PLXNA4: variants seen among roughly 807,000 people sequenced by gnomAD.
PLXNA4 encodes the protein plexin A4.
PLXNA4 carries 44 observed loss-of-function variants against 191.8 expected under a neutral mutation model. The ratio of observed to expected loss-of-function variants is 0.23; its 90% CI spans 0.18 to 0.29. The LOEUF is 0.29. PLXNA4 is among the 10% of genes least tolerant of loss of function. The probability of loss-of-function intolerance (pLI) is 1.00; values close to 1 mark genes in which losing one functional copy is unlikely to be tolerated. For missense variants in PLXNA4, 1,800 were observed against 2,488.8 expected (o/e 0.72, Z 5.89); for synonymous variants, 1,082 against 1,009.5 (o/e 1.07, Z -1.36).
chr7:132,635,164 T>C, intron 2 of PLXNA4, among the ~76,000 whole-genome samples: 1 of 86,338 alleles, frequency 1.2e-5, no homozygotes, highest in South Asian at 5.1e-4. Context: ...CTTAATAAAC[T>C]CCCCTTTATA....
At chr7:132,360,030 A>G (rs796854582) in intron 3 of PLXNA4, among the ~76,000 whole-genome samples, 1 of 152,216 alleles carries the variant, frequency 6.6e-6, no homozygotes, top group South Asian at 2.1e-4. Flanking sequence ...CTCATTTGCC[A>G]TGGAGTTCAG....
rs546122391 is a variant in PLXNA4, at chr7:132,196,985, A to ACCATACT, written c.2738+1493_2738+1499dup. 1.6e-3 allele frequency among the ~76,000 whole-genome samples: 243 copies of ACCATACT among 152,272 alleles called. 10 individuals are homozygous for ACCATACT. The South Asian group carries it at 0.044, about 28-fold the overall frequency. On this transcript the variant is annotated intron_variant, in intron 13 of 31. Coordinates refer to ENST00000321063, the MANE Select transcript of PLXNA4 (RefSeq NM_020911.2). ...TATTTATTAACTGTAATAGGGTATA[A>ACCATACT]CCATACTCCCAGTTTATCATTCACA...
intron 2 of PLXNA4, among the ~76,000 whole-genome samples, chr7:132,623,783 A>C (rs1202168577): frequency 6.6e-6 from 1 of 152,144 alleles, no homozygotes; most frequent in Non-Finnish European, 1.5e-5. Flanking sequence ...GCAGGAAGCA[A>C]CCCCCAGGTT....
At chr7:132,185,909 G>A (rs1562906694) in intron 15 of PLXNA4, among the ~76,000 whole-genome samples, 1 of 152,312 alleles carries the variant, frequency 6.6e-6, no homozygotes, top group East Asian at 1.9e-4. Flanking sequence ...TGCTGTCTTT[G>A]TAGTATTTGG....
intron 3 of PLXNA4, among the ~76,000 whole-genome samples, chr7:132,463,780 G>A (rs1245471619): frequency 6.6e-6 from 1 of 152,214 alleles, no homozygotes; most frequent in African/African-American, 2.4e-5. Context: ...GATGCTGCAA[G>A]CCACCCCTCA....
intron 3 of PLXNA4, among the ~76,000 whole-genome samples, chr7:132,417,620 T>C (rs932016898): frequency 3.4e-5 from 5 of 145,582 alleles, no homozygotes; most frequent in Admixed American, 1.4e-4. Flanking sequence ...AATAGATTAA[T>C]GAATGAATGT....
chr7:132,607,438 C>A (rs1802948114), intron 2 of PLXNA4, among the ~76,000 whole-genome samples: 1 of 152,204 alleles, frequency 6.6e-6, no homozygotes, highest in Non-Finnish European at 1.5e-5. Context: ...AAAAGAGCAG[C>A]TGCAAATCCA....
chr7:132,237,210 T>C (rs1471683824), intron 5 of PLXNA4, among the ~76,000 whole-genome samples: 1 of 152,200 alleles, frequency 6.6e-6, no homozygotes, highest in Non-Finnish European at 1.5e-5. Flanking sequence ...ACTCTACTTA[T>C]CCAGGACCGG....
intron 26 of PLXNA4, 36 bp from the exon 27 acceptor site, chr7:132,148,035 C>T (rs1191714225): frequency 6.2e-7 from 1 of 1,613,756 alleles, no homozygotes; most frequent in African/African-American, 1.3e-5. Flanking sequence ...CTAGGCACAG[C>T]AGCTCTGCCA....
intron 2 of PLXNA4, among the ~76,000 whole-genome samples, chr7:132,495,220 G>C (rs1411472528): frequency 6.6e-6 from 1 of 152,112 alleles, no homozygotes; most frequent in Non-Finnish European, 1.5e-5. Flanking sequence ...GCCCTGGCTT[G>C]CCCCACCTTT....
chr7:132,237,465 T>A (rs1337377827), intron 5 of PLXNA4, among the ~76,000 whole-genome samples: 1 of 152,166 alleles, frequency 6.6e-6, no homozygotes, highest in Non-Finnish European at 1.5e-5. Context: ...CAGGGGGCTC[T>A]CCTTGGTCAT....
chr7:132,509,627 T>C (rs960541047), intron 1 of PLXNA4, among the ~76,000 whole-genome samples: 1 of 152,174 alleles, frequency 6.6e-6, no homozygotes, highest in Non-Finnish European at 1.5e-5. Context: ...TGCTAAACCA[T>C]CTCAGTTCAC....
At chr7:132,140,879 G>T (rs975416327) in intron 29 of PLXNA4, 68 bp from the exon 30 acceptor site, 1 of 1,578,278 alleles carries the variant, frequency 6.3e-7, no homozygotes, top group Non-Finnish European at 8.6e-7. Context: ...GGGTAGGAGG[G>T]GTCTCTGGAG....
intron 2 of PLXNA4, among the ~76,000 whole-genome samples, chr7:132,618,983 A>C (rs933891810): frequency 3.3e-5 from 5 of 152,126 alleles, no homozygotes; most frequent in Admixed American, 2.6e-4. Flanking sequence ...GAGGACAGAA[A>C]TTATTTGGAA....
intron 29 of PLXNA4, 67 bp from the exon 30 acceptor site, chr7:132,140,878 G>C: frequency 1.9e-6 from 3 of 1,580,580 alleles, no homozygotes; most frequent in Non-Finnish European, 2.6e-6. Flanking sequence ...TGGGTAGGAG[G>C]GGTCTCTGGA....
chr7:132,482,726 T>C (rs1233619346), intron 3 of PLXNA4, among the ~76,000 whole-genome samples: 1 of 145,758 alleles, frequency 6.9e-6, no homozygotes. Flanking sequence ...GGAGTCTCAC[T>C]CTATTGCCCA....
intron 4 of PLXNA4, among the ~76,000 whole-genome samples, chr7:132,284,309 T>C (rs1350503147): frequency 6.6e-6 from 1 of 152,256 alleles, no homozygotes; most frequent in African/African-American, 2.4e-5. Flanking sequence ...TGGGAAATAC[T>C]GGACTAACTA....
chr7:132,608,473 G>T (rs1297013288), intron 2 of PLXNA4, among the ~76,000 whole-genome samples: 1 of 152,186 alleles, frequency 6.6e-6, no homozygotes, highest in Non-Finnish European at 1.5e-5. Context: ...CAATGGCAAA[G>T]GAGAAGTACA....
intron 4 of PLXNA4, among the ~76,000 whole-genome samples, chr7:132,296,122 G>C (rs990572345): frequency 7.9e-5 from 12 of 152,122 alleles, no homozygotes; most frequent in Non-Finnish European, 1.8e-4. Context: ...CTTTGAGATG[G>C]TCATTTGGGT....
Sources: allele counts gnomAD v4.1 joint callset (sites outside exome capture counted in the v4.1 genomes callset), GRCh38; gene constraint gnomAD v4.1.1; transcripts MANE v1.5; gene names NCBI Gene and HGNC (gene_info 2026-07-23, HGNC 2026-07-21).